The following ZBTB16 variants were observed in gnomAD, a reference collection of about 807,000 sequenced individuals.
ZBTB16 encodes zinc finger and BTB domain containing 16, also known as zinc finger and BTB domain-containing protein 16.
In ZBTB16, 8 loss-of-function variants were observed where a neutral mutation model predicts 56.8. The ratio of observed to expected loss-of-function variants is 0.14; its 90% CI spans 0.08 to 0.25. The LOEUF (loss-of-function observed/expected upper bound fraction) is 0.25, where lower values mean the gene tolerates loss of function less well. Among genes scored for constraint, ZBTB16 ranks in the 10% least tolerant of loss-of-function variants. The pLI is 1.00. For synonymous variants in ZBTB16, 363 were observed against 368.5 expected, an observed-to-expected ratio of 0.98 and a Z score of 0.17; for missense variants, 625 against 903.0, an observed-to-expected ratio of 0.69 and a Z score of 3.95.
At chr11:114,228,341 G>A (rs1057065951) in intron 4 of ZBTB16, among the ~76,000 whole-genome samples, 2 of 152,210 alleles carry the variant, frequency 1.3e-5, no homozygotes, top group Non-Finnish European at 2.9e-5. Flanking sequence ...CTAGTGCAGT[G>A]TGAAAATACC....
chr11:114,225,497 C>CTT lies in ZBTB16; in HGVS notation c.1454-16669_1454-16668dup, dbSNP rs111546619. On this transcript the variant is annotated intron_variant, in intron 4 of 6. Coordinates refer to ENST00000335953, the MANE Select transcript of ZBTB16 (RefSeq NM_006006.6). ...CAGGGTGCCAGCGTCTTACAAGGGC[C>CTT]TTCTTGCTGCACCACTCCATGGTGG... 1.7e-3 allele frequency among the ~76,000 whole-genome samples: 264 copies of CTT among 152,282 alleles called. 5 individuals are homozygous for CTT. The highest frequency in any genetic ancestry group is 5.3e-3 in the African/African-American group (221 of 41,546).
chr11:114,167,309 TTC>T (rs3057734), intron 3 of ZBTB16, among the ~76,000 whole-genome samples: 23,347 of 130,420 alleles, frequency 0.18, 2,767 homozygotes, highest in African/African-American at 0.35. Context: ...TGGCTGTGTT[TTC>T]TCTCTCTCTC....
chr11:114,064,689 AC>A lies in ZBTB16; in HGVS notation c.1268+123del. On this transcript the variant is annotated intron_variant, in intron 2 of 6. Transcript: ENST00000335953. The surrounding 1 kb of genome is among the most constrained non-coding windows in gnomAD (Gnocchi z 4.2). ...CCCTGTCTTGGCAATTTGTGAAAAAACCAGAACACTTCTTCTAAAGTTCTGG... is the reference window on the plus strand; with the variant it reads ...CCCTGTCTTGGCAATTTGTGAAAAAACAGAACACTTCTTCTAAAGTTCTGG... 2 of 1,296,298 alleles carry A rather than the reference AC, an allele frequency of 1.5e-6. No individual in the cohort carries two copies. Among genetic ancestry groups the A allele is most frequent in the Non-Finnish European group, 2.2e-6 (2 of 929,508 alleles). The allele number at this position is 1,296,298 out of a possible 1,614,324, so 80.3% of individuals were successfully genotyped here. A position where few individuals can be genotyped will look rare whatever the true frequency, so the allele number is the denominator to read the frequency against.
chr11:114,111,694 T>G (rs1210726601), intron 2 of ZBTB16, among the ~76,000 whole-genome samples: 1 of 152,220 alleles, frequency 6.6e-6, no homozygotes, highest in African/African-American at 2.4e-5. Context: ...ATTTTACTTG[T>G]GATTCTGACA....
At chr11:114,178,520 A>T (rs920248284) in intron 3 of ZBTB16, among the ~76,000 whole-genome samples, 5 of 152,146 alleles carry the variant, frequency 3.3e-5, no homozygotes, top group Admixed American at 6.5e-5. Flanking sequence ...GTGCAGCTTA[A>T]TATTGAGTGC....
Position 114,233,116 on chromosome 11 carries a change from C to G in ZBTB16, c.1454-9051C>G, listed in dbSNP as rs1328483779. Among the ~76,000 whole-genome samples, 56 of 41,942 alleles carry G rather than the reference C, an allele frequency of 1.3e-3. 2 individuals carry two copies. The highest frequency in any genetic ancestry group is 7.0e-3 in the Admixed American group (21 of 3,012). 27.5% of individuals were successfully genotyped at this position (41,942 alleles called of 152,430 possible). A position where few individuals can be genotyped will look rare whatever the true frequency, so the allele number is the denominator to read the frequency against. ...ACACACACACACACACACACACACA[C>G]ACACACACACTCTCTCTCTCTCACA... On this transcript the variant is annotated intron_variant, in intron 4 of 6. Transcript: ENST00000335953.
rs111692952 is a variant in ZBTB16, at chr11:114,075,364, A to C, written c.1268+10796A>C. Among the ~76,000 whole-genome samples, 1,406 of 152,236 alleles carry C rather than the reference A, an allele frequency of 9.2e-3. 17 individuals carry two copies. Among genetic ancestry groups the C allele is most frequent in the African/African-American group, 0.031 (1,295 of 41,512 alleles). ...TAAGTAGGTGATGTATAGAGAATACATGGCCCAGCGTCCGGCCAGTGGTGT... is the reference window on the plus strand; with the variant it reads ...TAAGTAGGTGATGTATAGAGAATACCTGGCCCAGCGTCCGGCCAGTGGTGT... On this transcript the variant is annotated intron_variant, in intron 2 of 6. Coordinates refer to ENST00000335953, the MANE Select transcript of ZBTB16 (RefSeq NM_006006.6).
At chr11:114,152,236 T>A (rs1422369297) in intron 2 of ZBTB16, among the ~76,000 whole-genome samples, 1 of 152,204 alleles carries the variant, frequency 6.6e-6, no homozygotes, top group Admixed American at 6.5e-5. Context: ...ATAGGCACGG[T>A]CTCTGCCATT....
At chr11:114,106,091 C>T (rs982528040) in intron 2 of ZBTB16, among the ~76,000 whole-genome samples, 1 of 152,202 alleles carries the variant, frequency 6.6e-6, no homozygotes, top group Non-Finnish European at 1.5e-5. Context: ...TTCACCCCCA[C>T]CCCTCCAGAC....
chr11:114,089,791 A>G (rs778435943), intron 2 of ZBTB16, among the ~76,000 whole-genome samples: 3 of 152,204 alleles, frequency 2.0e-5, no homozygotes, highest in Non-Finnish European at 2.9e-5. Context: ...GTATGAGGTG[A>G]GAGAGGCCAG....
At chr11:114,074,506 C>T (rs952343462) in intron 2 of ZBTB16, among the ~76,000 whole-genome samples, 1 of 152,210 alleles carries the variant, frequency 6.6e-6, no homozygotes, top group Admixed American at 6.5e-5. Flanking sequence ...CTCAGCTCCC[C>T]CAACCCATCT....
At position 114,060,020 on chromosome 11, in the gene ZBTB16, G is replaced by A; in HGVS notation, c.-91+138G>A. 1 of 385,578 alleles carries A rather than the reference G, an allele frequency of 2.6e-6. No homozygotes were observed. The allele number at this position is 385,578 out of a possible 1,614,324, so 23.9% of individuals were successfully genotyped here. A position where few individuals can be genotyped will look rare whatever the true frequency, so the allele number is the denominator to read the frequency against. On this transcript the variant is annotated intron_variant, in intron 1 of 6. Transcript: ENST00000335953. The surrounding 1 kb of genome is among the most constrained non-coding windows in gnomAD (Gnocchi z 6.0). ...GGCTTGTGCCTTTTTTATTTGGCGT[G>A]TTCCCTTCCTGCCGCTGCAGCCGTC... is the stretch of plus-strand genomic sequence containing the variant.
chr11:114,239,094 G>A (rs185628486), intron 4 of ZBTB16, among the ~76,000 whole-genome samples: 16 of 152,314 alleles, frequency 1.1e-4, no homozygotes, highest in Admixed American at 2.0e-4. Context: ...ACCCTGAGAA[G>A]TAGGGACAGC....
chr11:114,241,502 C>T (rs564980947), intron 4 of ZBTB16, among the ~76,000 whole-genome samples: 3 of 152,316 alleles, frequency 2.0e-5, no homozygotes, highest in African/African-American at 7.2e-5. Context: ...ATCCAGGCTG[C>T]ACACTCCTTA....
intron 4 of ZBTB16, among the ~76,000 whole-genome samples, chr11:114,210,194 CGT>C (rs1565687520): frequency 9.0e-5 from 5 of 55,508 alleles, no homozygotes; most frequent in African/African-American, 2.7e-4. Context: ...TGTGTGTGTG[CGT>C]GCGCGCGCGT....
chr11:114,094,758 C>T (rs886286791), intron 2 of ZBTB16, among the ~76,000 whole-genome samples: 1 of 152,200 alleles, frequency 6.6e-6, no homozygotes, highest in African/African-American at 2.4e-5. Context: ...CTGTTTGCCC[C>T]TCAATCAGAG....
chr11:114,173,468 C>T (rs567809810), intron 3 of ZBTB16, among the ~76,000 whole-genome samples: 9 of 152,272 alleles, frequency 5.9e-5, no homozygotes, highest in South Asian at 2.1e-4. Context: ...AGTGGAATCA[C>T]AGTGGAAGCA....
At chr11:114,225,671 A>G (rs998408820) in intron 4 of ZBTB16, among the ~76,000 whole-genome samples, 2 of 152,160 alleles carry the variant, frequency 1.3e-5, no homozygotes, top group African/African-American at 2.4e-5. Flanking sequence ...CCACCTCCCA[A>G]CACTGCTGCA....
At chr11:114,141,246 A>G (rs1941937584) in intron 2 of ZBTB16, among the ~76,000 whole-genome samples, 1 of 152,300 alleles carries the variant, frequency 6.6e-6, no homozygotes, top group East Asian at 1.9e-4. Context: ...ATTTCCAAAC[A>G]TGGGTAGCTA....
Sources: allele counts gnomAD v4.1 joint callset (sites outside exome capture counted in the v4.1 genomes callset), GRCh38; gene constraint gnomAD v4.1.1; non-coding constraint Gnocchi (gnomAD v3.1); transcripts MANE v1.5; gene names NCBI Gene and HGNC (gene_info 2026-07-23, HGNC 2026-07-21).